AHI1: variants seen among roughly 807,000 people sequenced by gnomAD.
The protein encoded by AHI1 is jouberin.
Under a neutral mutation model 149.3 loss-of-function variants are expected in AHI1, and 123 were observed. That is an observed-to-expected ratio of 0.82 (90% CI 0.71 to 0.96). The LOEUF (loss-of-function observed/expected upper bound fraction) is 0.96. AHI1 is among the 40% of genes least tolerant of loss of function. The probability of loss-of-function intolerance (pLI) is 0.00; values close to 1 mark genes in which losing one functional copy is unlikely to be tolerated. For synonymous variants in AHI1, 475 were observed against 459.8 expected (o/e 1.03, Z -0.42); for missense variants, 1,439 against 1,422.7 (o/e 1.01, Z -0.18).
chr6:135,285,740 G>T, intron 28 of AHI1, 93 bp from the exon 29 acceptor site: 1 of 1,029,552 alleles, frequency 9.7e-7, no homozygotes, highest in South Asian at 1.4e-5. Context: ...AACAGCACAG[G>T]TAATAAAGGA....
In AHI1 at chr6:135,466,264, T is replaced by C. The variant is rs775754081; in HGVS notation, c.299A>G (p.Lys100Arg). 1.9e-6 allele frequency: 3 copies of C among 1,613,856 alleles called. No individual in the cohort carries two copies. Among genetic ancestry groups the C allele is most frequent in the African/African-American group, 2.7e-5 (2 of 74,910 alleles). ...LKKSTRVTKNKLRNTQLATEN... is the reference protein window; with the variant it reads ...LKKSTRVTKNRLRNTQLATEN... ...AGTTGCTAACTGTGTGTTCCTCAAT[T>C]TGTTTTTAGTGACTCTCGTGCTCTT... Residue 100 changes from lysine to arginine, a missense_variant, in exon 7 of 29, where the codon AAA (lysine) becomes AGA (arginine). Coordinates refer to ENST00000265602, the MANE Select transcript of AHI1 (RefSeq NM_001134831.2).
chr6:135,319,443 C>A (rs545328540), intron 25 of AHI1, among the ~76,000 whole-genome samples: 21 of 152,016 alleles, frequency 1.4e-4, no homozygotes, highest in Non-Finnish European at 3.1e-4. Context: ...CCACTGCACT[C>A]CAGCCTGGGA....
chr6:135,463,834 C>G (rs1290355121), intron 7 of AHI1, among the ~76,000 whole-genome samples: 1 of 152,078 alleles, frequency 6.6e-6, no homozygotes, highest in Non-Finnish European at 1.5e-5. Context: ...TCACTGCTGC[C>G]TCAACCTCCC....
At chr6:135,377,421 A>G (rs1776106522) in intron 23 of AHI1, among the ~76,000 whole-genome samples, 2 of 152,168 alleles carry the variant, frequency 1.3e-5, no homozygotes. Context: ...AGTTTTGAAC[A>G]CTGTAAAATA....
chr6:135,310,134 ACTGT>A (rs1263330111), intron 26 of AHI1, among the ~76,000 whole-genome samples: 5 of 152,198 alleles, frequency 3.3e-5, no homozygotes, highest in Non-Finnish European at 2.9e-5. Flanking sequence ...AAAAATCTGC[ACTGT>A]CTATTATAAA....
At position 135,290,734 on chromosome 6, in the gene AHI1, C is replaced by T. The variant is rs139143495; in HGVS notation, c.3486-209G>A. 3.2e-4 allele frequency among the ~76,000 whole-genome samples: 48 copies of T among 152,226 alleles called. No homozygotes were observed. In the East Asian group the frequency reaches 8.1e-3, roughly 26 times the overall value. On this transcript the variant is annotated intron_variant, in intron 27 of 28. Coordinates refer to ENST00000265602, the MANE Select transcript of AHI1 (RefSeq NM_001134831.2). The stretch of plus-strand genomic sequence containing the variant: ...CTTAAAATAACGTTAACAGACAAAC[C>T]TTTGGCTGGTTGGGCTCCTTCTTAG...
chr6:135,447,086 A>G lies in AHI1; in HGVS notation c.1701T>C (p.His567=), dbSNP rs1787360423. 3 of 1,613,112 alleles carry G rather than the reference A, an allele frequency of 1.9e-6. No homozygotes were observed. Among genetic ancestry groups the G allele is most frequent in the Non-Finnish European group, 8.5e-7 (1 of 1,179,478 alleles). Residue 567 remains histidine, a synonymous_variant, in exon 13 of 29, where the codon CAT becomes CAC. Coordinates refer to ENST00000265602, the MANE Select transcript of AHI1 (RefSeq NM_001134831.2). ...KGKPVHCERH[H]ESSSVDTEPG... Reference sequence around the variant, plus strand: ...GTTCTGTGTCTACTGAGCTTGACTCATGGTGACGTTCACAATGCACTGGTT... The same window carrying G: ...GTTCTGTGTCTACTGAGCTTGACTCGTGGTGACGTTCACAATGCACTGGTT...
chr6:135,339,482 C>G (rs905088138), intron 24 of AHI1, among the ~76,000 whole-genome samples: 1 of 151,882 alleles, frequency 6.6e-6, no homozygotes, highest in Non-Finnish European at 1.5e-5. Context: ...AACAAACAAA[C>G]AAAAAATCAA....
intron 3 of AHI1, among the ~76,000 whole-genome samples, chr6:135,494,783 C>A (rs912955744): frequency 3.3e-5 from 5 of 152,042 alleles, no homozygotes; most frequent in African/African-American, 1.2e-4. Context: ...TGTGAGCCTA[C>A]AATATAAAGT....
At chr6:135,388,010 T>G (rs201074308) in intron 23 of AHI1, 2 of 1,613,818 alleles carry the variant, frequency 1.2e-6, no homozygotes, top group South Asian at 2.2e-5. Flanking sequence ...AATATACATG[T>G]GTTGAATTCA....
intron 28 of AHI1, among the ~76,000 whole-genome samples, chr6:135,287,289 A>G (rs1446517943): frequency 6.6e-6 from 1 of 152,178 alleles, no homozygotes; most frequent in Non-Finnish European, 1.5e-5. Flanking sequence ...CCAAAGAGAA[A>G]TTCAACTCGA....
intron 8 of AHI1, among the ~76,000 whole-genome samples, chr6:135,458,531 G>A (rs75376126): frequency 0.012 from 1,816 of 152,244 alleles, 41 homozygotes; most frequent in African/African-American, 0.042. Flanking sequence ...ATAGGCAAAG[G>A]TGAAGCCCTG....
rs111601642 is a variant in AHI1, at chr6:135,339,351, T to G, written c.3166-16027A>C. Reference sequence around the variant, plus strand: ...GCAAAATAGTTAACAGAATTGCTTCTGAGAAAGCCCAGATGTTGGACTTAC... The same window carrying G: ...GCAAAATAGTTAACAGAATTGCTTCGGAGAAAGCCCAGATGTTGGACTTAC... On this transcript the variant is annotated intron_variant, in intron 24 of 28. Coordinates refer to ENST00000265602, the MANE Select transcript of AHI1 (RefSeq NM_001134831.2). Among the ~76,000 whole-genome samples, 4 of 152,198 alleles carry G rather than the reference T, an allele frequency of 2.6e-5. No individual in the cohort carries two copies. The East Asian group carries it at 7.7e-4, about 29-fold the overall frequency.
chr6:135,481,499 T>C (rs776749542), intron 5 of AHI1, among the ~76,000 whole-genome samples: 2 of 152,120 alleles, frequency 1.3e-5, no homozygotes, highest in South Asian at 4.1e-4. Context: ...GCTCAAAATG[T>C]TTTGGATTCT....
chr6:135,407,248 A>G (rs1197015549), intron 21 of AHI1, among the ~76,000 whole-genome samples: 1 of 152,216 alleles, frequency 6.6e-6, no homozygotes, highest in Non-Finnish European at 1.5e-5. Flanking sequence ...ATAATTTATT[A>G]GAAAAACATT....
chr6:135,395,567 C>A (rs746295323), intron 22 of AHI1, among the ~76,000 whole-genome samples: 8 of 151,814 alleles, frequency 5.3e-5, no homozygotes, highest in Non-Finnish European at 7.4e-5. Context: ...AACATTTTAA[C>A]TATAGCTCTT....
intron 24 of AHI1, among the ~76,000 whole-genome samples, chr6:135,349,132 G>A (rs1011125628): frequency 2.6e-5 from 4 of 152,020 alleles, no homozygotes; most frequent in East Asian, 1.9e-4. Context: ...CAACAGGTGC[G>A]TGGCACTGCA....
chr6:135,417,972 G>T (rs1308643312), intron 20 of AHI1, among the ~76,000 whole-genome samples: 1 of 151,968 alleles, frequency 6.6e-6, no homozygotes, highest in East Asian at 1.9e-4. Context: ...CATTTCAGGG[G>T]TTTCTAAAAC....
chr6:135,465,827 T>A lies in AHI1; in HGVS notation c.736A>T (p.Lys246Ter), dbSNP rs863225142. Residue 246 changes from lysine (K) to a stop codon, truncating the protein, a stop_gained, in exon 7 of 29, where the codon AAA (lysine) becomes TAA (stop). Coordinates refer to ENST00000265602, the MANE Select transcript of AHI1 (RefSeq NM_001134831.2). LOFTEE classifies it high-confidence loss of function. ...ATGCAAAAATACCTTGTTTCAGCTTTAGAGAAGACTGGAACTTCCTTTTTC... is the reference window on the plus strand; with the variant it reads ...ATGCAAAAATACCTTGTTTCAGCTTAAGAGAAGACTGGAACTTCCTTTTTC... The part of the protein sequence containing the change: ...KKKKEVPVFS[K>*]AETSTLTISG... 1.4e-6 allele frequency: 2 copies of A among 1,472,982 alleles called. No homozygotes were observed. The highest frequency in any genetic ancestry group is 1.8e-6 in the Non-Finnish European group (2 of 1,115,930). 91.2% of individuals were successfully genotyped at this position (1,472,982 alleles called of 1,614,324 possible). A position where few individuals can be genotyped will look rare whatever the true frequency, so the allele number is the denominator to read the frequency against.
Sources: allele counts gnomAD v4.1 joint callset (sites outside exome capture counted in the v4.1 genomes callset), GRCh38; gene constraint gnomAD v4.1.1; transcripts MANE v1.5; gene names NCBI Gene and HGNC (gene_info 2026-07-23, HGNC 2026-07-21).